SORL1: variants seen among roughly 807,000 people sequenced by gnomAD.
SORL1 encodes sortilin related receptor 1.
A neutral mutation model predicts 273.7 loss-of-function variants in SORL1; 127 were observed. That is an observed-to-expected ratio of 0.46 (90% CI 0.40 to 0.54). SORL1 has a LOEUF of 0.54. SORL1 is among the 20% of genes least tolerant of loss of function. SORL1 has a pLI of 0.00. For synonymous variants in SORL1, 1,031 were observed against 1,067.4 expected (o/e 0.97, Z 0.66); for missense variants, 2,494 against 2,846.1 (o/e 0.88, Z 2.81).
At chr11:121,589,460 C>A in intron 29 of SORL1, 70 bp downstream of exon 29, 1 of 1,576,844 alleles carries the variant, frequency 6.3e-7, no homozygotes, top group South Asian at 1.1e-5. Flanking sequence ...GTTACAGGGA[C>A]ACTCACCGGC....
At chr11:121,477,055 G>C (rs902010003) in intron 2 of SORL1, among the ~76,000 whole-genome samples, 1 of 151,970 alleles carries the variant, frequency 6.6e-6, no homozygotes, top group Non-Finnish European at 1.5e-5. Flanking sequence ...GTCTCCTAAA[G>C]TGTTGGGGTT....
At chr11:121,589,140 A>T in intron 28 of SORL1, 119 bp from the exon 29 acceptor site, 1 of 1,117,106 alleles carries the variant, frequency 9.0e-7, no homozygotes, top group Non-Finnish European at 1.3e-6. Context: ...GGCATGGTTT[A>T]GCCAGACAGT....
At chr11:121,517,476 C>T (rs1222037302) in intron 8 of SORL1, among the ~76,000 whole-genome samples, 1 of 152,182 alleles carries the variant, frequency 6.6e-6, no homozygotes, top group African/African-American at 2.4e-5. Flanking sequence ...AATAATGAAT[C>T]ACTATCCCTC....
At chr11:121,526,448 G>A (rs190459178) in intron 11 of SORL1, among the ~76,000 whole-genome samples, 11 of 152,204 alleles carry the variant, frequency 7.2e-5, no homozygotes, top group Admixed American at 3.3e-4. Flanking sequence ...ATTGTAGGTC[G>A]TTCGTATTTC....
intron 18 of SORL1, 26 bp from the exon 19 acceptor site, chr11:121,557,288 G>A (rs1397255628): frequency 6.4e-7 from 1 of 1,560,632 alleles, no homozygotes; most frequent in South Asian, 1.1e-5. Context: ...ATCCATCTCA[G>A]CCTCTTTTCC....
rs770298542 is a variant in SORL1, at chr11:121,554,151, G to C, written c.2439+42G>C. 5 of 1,583,538 alleles carry C rather than the reference G, an allele frequency of 3.2e-6. No individual in the cohort carries two copies. Among genetic ancestry groups the C allele is most frequent in the Non-Finnish European group, 4.3e-6 (5 of 1,156,482 alleles). ...TCTGACTGTGGGAGCTGTGCATCGT[G>C]ACTGCCCTGTCCTGATAAGCTGCAT... is the stretch of plus-strand genomic sequence containing the variant. On this transcript the variant is annotated intron_variant, in intron 17 of 47. Transcript: ENST00000260197. The surrounding 1 kb of genome is among the most constrained non-coding windows in gnomAD (Gnocchi z 4.6).
intron 35 of SORL1, among the ~76,000 whole-genome samples, 177 bp downstream of exon 35, chr11:121,605,748 A>G (rs545452741): frequency 2.6e-5 from 4 of 152,208 alleles, no homozygotes; most frequent in Non-Finnish European, 5.9e-5. Context: ...TTCTTACTGC[A>G]TCAGAGACTG....
At chr11:121,454,419 C>T (rs1294967451) in intron 1 of SORL1, among the ~76,000 whole-genome samples, 1 of 152,196 alleles carries the variant, frequency 6.6e-6, no homozygotes, top group Non-Finnish European at 1.5e-5. Flanking sequence ...TGAAAAGCTC[C>T]AGGGGATGTG....
chr11:121,497,168 A>G (rs1026474544), intron 6 of SORL1, 119 bp downstream of exon 6: 2 of 832,274 alleles, frequency 2.4e-6, no homozygotes, highest in Non-Finnish European at 1.9e-6. Flanking sequence ...CTTGGGACAG[A>G]TTGACTGAAG....
intron 1 of SORL1, among the ~76,000 whole-genome samples, chr11:121,458,778 G>C (rs1400852827): frequency 6.6e-6 from 1 of 152,204 alleles, no homozygotes; most frequent in African/African-American, 2.4e-5. Flanking sequence ...TCCAGAAAAG[G>C]CAGGGTGGGC....
rs536187093 is a variant in SORL1, at chr11:121,465,082, G to A, written c.286-4925G>A. Among the ~76,000 whole-genome samples the A allele has an allele frequency of 1.4e-4, 21 of 152,156 alleles. No homozygotes were observed. In the South Asian group the frequency reaches 4.0e-3, roughly 29 times the overall value. Reference sequence around the variant, plus strand: ...TGAACAGTTCAGTGAACTTAATATCGCCGCAATGTTGTGCTACCATGATTT... The same window carrying A: ...TGAACAGTTCAGTGAACTTAATATCACCGCAATGTTGTGCTACCATGATTT... On this transcript the variant is annotated intron_variant, in intron 1 of 47. Transcript: ENST00000260197.
intron 23 of SORL1, among the ~76,000 whole-genome samples, chr11:121,571,762 A>G (rs759409490): frequency 6.6e-6 from 1 of 152,212 alleles, no homozygotes; most frequent in Non-Finnish European, 1.5e-5. Flanking sequence ...GGTTATTTAC[A>G]AAGCCTTTCC....
At chr11:121,615,559 G>A (rs1863627752) in intron 41 of SORL1, among the ~76,000 whole-genome samples, 1 of 152,142 alleles carries the variant, frequency 6.6e-6, no homozygotes, top group South Asian at 2.1e-4. Context: ...TAGTTTGTAA[G>A]TTCCTTGAAG....
At chr11:121,523,114 A>G in intron 11 of SORL1, 125 bp downstream of exon 11, 4 of 678,942 alleles carry the variant, frequency 5.9e-6, no homozygotes, top group Non-Finnish European at 1.1e-5. Flanking sequence ...GCCAGATATG[A>G]CTATAAAGTA....
chr11:121,467,231 G>C (rs560163556), intron 1 of SORL1, among the ~76,000 whole-genome samples: 1 of 152,068 alleles, frequency 6.6e-6, no homozygotes, highest in African/African-American at 2.4e-5. Context: ...GGGTTTCACC[G>C]TGTTAGCCAG....
intron 21 of SORL1, 23 bp downstream of exon 21, chr11:121,559,680 G>A: frequency 6.2e-7 from 1 of 1,612,382 alleles, no homozygotes; most frequent in Non-Finnish European, 8.5e-7. Context: ...CTCTTCTTTT[G>A]TCTCTGTAGA....
At chr11:121,536,583 T>TG (rs1459733220) in intron 12 of SORL1, among the ~76,000 whole-genome samples, 1 of 151,328 alleles carries the variant, frequency 6.6e-6, no homozygotes. Context: ...TATCTTTTTT[T>TG]TTTTTTGGTA....
intron 31 of SORL1, among the ~76,000 whole-genome samples, chr11:121,594,560 C>CT (rs1189121158): frequency 6.6e-6 from 1 of 151,998 alleles, no homozygotes; most frequent in Non-Finnish European, 1.5e-5. Flanking sequence ...ACCACTGTCC[C>CT]TTTTTATGGT....
chr11:121,584,064 G>C (rs1226760325), intron 26 of SORL1, among the ~76,000 whole-genome samples: 2 of 152,172 alleles, frequency 1.3e-5, no homozygotes, highest in Non-Finnish European at 2.9e-5. Flanking sequence ...TCCTGGTTGG[G>C]TGTTTGAGGT....
Sources: gnomAD v4.1 joint callset for allele counts (sites outside exome capture counted in the v4.1 genomes callset) on GRCh38, gnomAD v4.1.1 for gene constraint, Gnocchi (gnomAD v3.1) non-coding constraint, MANE v1.5 for transcripts, NCBI Gene and HGNC (gene_info 2026-07-23, HGNC 2026-07-21) for gene names.